PCDHGA6: variants seen among roughly 807,000 people sequenced by gnomAD.
PCDHGA6 encodes protocadherin gamma-A6.
A neutral mutation model predicts 60.6 loss-of-function variants in PCDHGA6; 41 were observed. That is an observed-to-expected ratio of 0.68 (90% CI 0.53 to 0.88). The LOEUF (loss-of-function observed/expected upper bound fraction) is 0.88, where lower values mean the gene tolerates loss of function less well. Ranked by LOEUF, PCDHGA6 falls within the 40% of genes least tolerant of loss-of-function variation. The pLI is 0.00. For synonymous variants in PCDHGA6, 594 were observed against 524.4 expected, an observed-to-expected ratio of 1.13 and a Z score of -1.81; for missense variants, 1,312 against 1,203.0, an observed-to-expected ratio of 1.09 and a Z score of -1.34.
rs200724467 is a variant in PCDHGA6 at position 141,399,395 on chromosome 5, G to A, written c.2424+22888G>A. 5,303 of 1,613,964 alleles carry A rather than the reference G, an allele frequency of 3.3e-3. 153 individuals carry two copies. In the South Asian group the frequency reaches 0.047, roughly 14 times the overall value. ...AATGTCACCATCACAGCCACAGACA[G>A]GGGCAAGCCGCCCCTCTCCTCCAGC... On this transcript the variant is annotated intron_variant, in intron 1 of 3. Coordinates refer to ENST00000517434, the MANE Select transcript of PCDHGA6 (RefSeq NM_018919.3).
rs534304763 is a variant in PCDHGA6 at position 141,394,533 on chromosome 5, G to A, written c.2424+18026G>A. On this transcript the variant is annotated intron_variant, in intron 1 of 3. Transcript: ENST00000517434. The stretch of plus-strand genomic sequence containing the variant: ...CGCCCTCCCCACAGACGGTTCCACT[G>A]GCGTGGAGCTGGCGCCCCGCTCCGC... The A allele has an allele frequency of 2.1e-5, 34 of 1,614,210 alleles. 1 individual carries two copies. In the South Asian group the frequency reaches 3.0e-4, roughly 14 times the overall value.
Position 141,489,600 on chromosome 5 carries a change from G to A in PCDHGA6, c.2425-5207G>A, listed in dbSNP as rs1407225048. 8.1e-6 allele frequency: 13 copies of A among 1,614,034 alleles called. No homozygotes were observed. Among genetic ancestry groups the A allele is most frequent in the Non-Finnish European group, 1.1e-5 (13 of 1,179,962 alleles). ...ACCCCCTGGAGCTAATCCGTGTAGA[G>A]GTAGAGATCCTGGATCTCAATGACA... On this transcript the variant is annotated intron_variant, in intron 1 of 3. Transcript: ENST00000517434. This position sits in a 1 kb window ranked among gnomAD's most constrained non-coding sequence, Gnocchi z 4.5.
chr5:141,383,795 G>A (rs376874310), intron 1 of PCDHGA6: 12 of 1,613,822 alleles, frequency 7.4e-6, no homozygotes, highest in East Asian at 4.5e-5. Flanking sequence ...TCGCTTACAG[G>A]AGAAATATCA....
chr5:141,398,868 CAG>C, intron 1 of PCDHGA6: 1 of 1,613,982 alleles, frequency 6.2e-7, no homozygotes, highest in Non-Finnish European at 8.5e-7. Flanking sequence ...GAGACGTGTA[CAG>C]AGTCAGCCTT....
In PCDHGA6 at chr5:141,431,819, A is replaced by C. The variant is rs2097420237; in HGVS notation, c.2424+55312A>C. On this transcript the variant is annotated intron_variant, in intron 1 of 3. Transcript: ENST00000517434. The surrounding 1 kb of genome is among the most constrained non-coding windows in gnomAD (Gnocchi z 4.8). ...AGAAGTGGTCCTCACCTCTCTCGCC[A>C]GCTCGGTTCCCGAAAACTCTCCCAG... 6.2e-7 allele frequency: 1 copy of C among 1,614,154 alleles called. No individual in the cohort carries two copies. Among genetic ancestry groups the C allele is most frequent in the Admixed American group, 1.7e-5 (1 of 60,018 alleles).
rs561569572 is a variant in PCDHGA6, at chr5:141,512,054, C to A, written c.*881C>A. 6.5e-6 allele frequency: 1 copy of A among 152,828 alleles called. No individual in the cohort carries two copies. The highest frequency in any genetic ancestry group is 1.9e-4 in the East Asian group (1 of 5,184). The allele number at this position is 152,828 out of a possible 1,614,324, so 9.5% of individuals were successfully genotyped here. On this transcript the variant is annotated 3_prime_UTR_variant, in exon 4 of 4. Coordinates refer to ENST00000517434, the MANE Select transcript of PCDHGA6 (RefSeq NM_018919.3). Reference sequence around the variant, plus strand: ...GGAGGCTCTGTATGTCCTCAGGGGACTGACAACATCCTCCAGATTCCAGCC... The same window carrying A: ...GGAGGCTCTGTATGTCCTCAGGGGAATGACAACATCCTCCAGATTCCAGCC...
At chr5:141,468,697 T>A (rs2099174099) in intron 1 of PCDHGA6, 1 of 151,646 alleles carries the variant, frequency 6.6e-6, no homozygotes, top group Non-Finnish European at 1.5e-5. Context: ...AAACCCCGTC[T>A]CTACTAAAAA....
intron 1 of PCDHGA6, chr5:141,415,170 C>T (rs781724309): frequency 3.7e-6 from 6 of 1,613,878 alleles, no homozygotes; most frequent in South Asian, 2.2e-5. Flanking sequence ...TCACGCTCAC[C>T]GTGGCCGTGG....
At position 141,422,630 on chromosome 5, in the gene PCDHGA6, G is replaced by A. The variant is rs1193466428; in HGVS notation, c.2424+46123G>A. 5 of 1,613,176 alleles carry A rather than the reference G, an allele frequency of 3.1e-6. No homozygotes were observed. The Admixed American group carries it at 8.3e-5, about 27-fold the overall frequency. On this transcript the variant is annotated intron_variant, in intron 1 of 3. Coordinates refer to ENST00000517434, the MANE Select transcript of PCDHGA6 (RefSeq NM_018919.3). ...GCCTACATTCCCGAAAACAACCCCA[G>A]GGGTGCCTCCATCTTCTCAGTGACC...
intron 1 of PCDHGA6, among the ~76,000 whole-genome samples, chr5:141,401,338 A>G (rs2094142012): frequency 6.6e-6 from 1 of 152,186 alleles, no homozygotes; most frequent in Non-Finnish European, 1.5e-5. Flanking sequence ...GCAAAACTCC[A>G]TCTCAAAAAA....
At chr5:141,423,926 T>C (rs925790302) in intron 1 of PCDHGA6, 2 of 1,245,276 alleles carry the variant, frequency 1.6e-6, no homozygotes, top group Non-Finnish European at 2.0e-6. Flanking sequence ...CTATGCTGGT[T>C]TGGTTTGAAG....
intron 1 of PCDHGA6, among the ~76,000 whole-genome samples, chr5:141,405,955 C>T (rs116457023): frequency 0.015 from 2,244 of 152,168 alleles, 22 homozygotes; most frequent in Admixed American, 0.035. Flanking sequence ...TAATAATTAA[C>T]CTGCTGTCAA....
chr5:141,476,798 C>T lies in PCDHGA6; in HGVS notation c.2425-18009C>T. 3.1e-6 allele frequency: 5 copies of T among 1,613,660 alleles called. No homozygotes were observed. The highest frequency in any genetic ancestry group is 4.2e-6 in the Non-Finnish European group (5 of 1,180,028). ...AGGGACCCCAGCTCTCTCCGCCAGC[C>T]TGCCTATTCACATCAAGGTGCTGGA... On this transcript the variant is annotated intron_variant, in intron 1 of 3. Coordinates refer to ENST00000517434, the MANE Select transcript of PCDHGA6 (RefSeq NM_018919.3). This position sits in a 1 kb window ranked among gnomAD's most constrained non-coding sequence, Gnocchi z 7.6.
intron 1 of PCDHGA6, chr5:141,392,511 A>C (rs1368500575): frequency 4.2e-6 from 1 of 240,354 alleles, no homozygotes; most frequent in Non-Finnish European, 7.9e-6. Flanking sequence ...TTTTTTTCTC[A>C]GTAATCTAGT....
At chr5:141,390,565 G>A in intron 1 of PCDHGA6, 2 of 420,818 alleles carry the variant, frequency 4.8e-6, no homozygotes, top group Non-Finnish European at 8.5e-6. Context: ...ACAGTTGTTG[G>A]CTCTCTCCTA....
At chr5:141,378,078 T>A (rs1215089288) in intron 1 of PCDHGA6, 2 of 152,178 alleles carry the variant, frequency 1.3e-5, no homozygotes, top group African/African-American at 4.8e-5. Context: ...GAAAATAATT[T>A]TATAACTTTT....
intron 1 of PCDHGA6, among the ~76,000 whole-genome samples, chr5:141,438,396 A>T (rs1026490705): frequency 6.6e-6 from 1 of 150,930 alleles, no homozygotes. Context: ...TTCATCATTA[A>T]CTCTCTGAAG....
intron 1 of PCDHGA6, among the ~76,000 whole-genome samples, chr5:141,380,915 G>A (rs1452983675): frequency 6.6e-6 from 1 of 152,180 alleles, no homozygotes. Context: ...TGCTTACATT[G>A]TTTAATAATC....
intron 1 of PCDHGA6, among the ~76,000 whole-genome samples, chr5:141,459,690 C>A (rs1338211972): frequency 6.6e-6 from 1 of 152,174 alleles, no homozygotes; most frequent in African/African-American, 2.4e-5. Context: ...ATAAAGCGTT[C>A]CGCTTGCTAC....
Sources: gnomAD v4.1 joint callset for allele counts (sites outside exome capture counted in the v4.1 genomes callset) on GRCh38, gnomAD v4.1.1 for gene constraint, Gnocchi (gnomAD v3.1) non-coding constraint, MANE v1.5 for transcripts, NCBI Gene and HGNC (gene_info 2026-07-23, HGNC 2026-07-21) for gene names.